The following SUPT5H variants were observed in gnomAD, a reference collection of about 807,000 sequenced individuals.
SUPT5H encodes transcription elongation factor SPT5.
Under a neutral mutation model 142.5 loss-of-function variants are expected in SUPT5H, and 24 were observed. The observed-to-expected ratio is 0.17, with a 90% CI of 0.12 to 0.24. The LOEUF is 0.24. Among genes scored for constraint, SUPT5H ranks in the 10% least tolerant of loss-of-function variants. The pLI, the probability that SUPT5H is intolerant of heterozygous loss-of-function variation, is 1.00. For missense variants in SUPT5H, 893 were observed against 1,471.8 expected (o/e 0.61, Z 6.43); for synonymous variants, 546 against 553.0 (o/e 0.99, Z 0.18).
chr19:39,461,955 C>T lies in SUPT5H; in HGVS notation c.624+1995C>T, dbSNP rs556305850. ...CTCTGATTATTATTTTTTTTTGAGA[C>T]GGAGTTTCACTCTTGTTGCCCAGGC... On this transcript the variant is annotated intron_variant, in intron 10 of 29. Transcript: ENST00000432763. Among the ~76,000 whole-genome samples, 296 of 151,440 alleles carry T rather than the reference C, an allele frequency of 2.0e-3. 3 individuals carry two copies. Among genetic ancestry groups the T allele is most frequent in the Middle Eastern group, 0.01 (3 of 288 alleles).
intron 2 of SUPT5H, among the ~76,000 whole-genome samples, chr19:39,451,634 C>T (rs1221072290): frequency 2.0e-5 from 3 of 152,134 alleles, no homozygotes; most frequent in Admixed American, 6.6e-5. Context: ...CAGTTTCAAG[C>T]GATTCTCCTA....
intron 11 of SUPT5H, 69 bp downstream of exon 11, chr19:39,465,118 C>T (rs545206857): frequency 4.5e-6 from 7 of 1,545,318 alleles, no homozygotes; most frequent in Non-Finnish European, 6.1e-6. Flanking sequence ...TCCTTTTGTC[C>T]TTCCCACCCT....
chr19:39,470,016 G>A lies in SUPT5H; in HGVS notation c.1375-103G>A. The A allele has an allele frequency of 6.8e-7, 1 of 1,465,724 alleles. No individual in the cohort carries two copies. 90.8% of individuals were successfully genotyped at this position (1,465,724 alleles called of 1,614,324 possible). On this transcript the variant is annotated intron_variant, in intron 16 of 29. Transcript: ENST00000432763. The surrounding 1 kb of genome is among the most constrained non-coding windows in gnomAD (Gnocchi z 5.8). ...CTGGGGTGGGTGGTAAGAGCCTGAA[G>A]TGGGGTTTTTGAGAACATGCGTAGA...
At chr19:39,450,686 G>C (rs2079010391) in intron 2 of SUPT5H, among the ~76,000 whole-genome samples, 1 of 152,332 alleles carries the variant, frequency 6.6e-6, no homozygotes, top group Non-Finnish European at 1.5e-5. Context: ...ATATATTCTA[G>C]GTTGGGGATG....
Position 39,474,878 on chromosome 19 carries a change from A to G in SUPT5H, c.3024+160A>G. The G allele has an allele frequency of 1.3e-6, 1 of 767,034 alleles. No homozygotes were observed. Among genetic ancestry groups the G allele is most frequent in the Non-Finnish European group, 2.1e-6 (1 of 481,896 alleles). The allele number at this position is 767,034 out of a possible 1,614,324, so 47.5% of individuals were successfully genotyped here. A position where few individuals can be genotyped will look rare whatever the true frequency, so the allele number is the denominator to read the frequency against. ...GGAGCTATGTGAACCCAAAGGAGGC[A>G]TCTTACCTGATTTAGCGGGGAATCA... On this transcript the variant is annotated intron_variant, in intron 28 of 29. Coordinates refer to ENST00000432763, the MANE Select transcript of SUPT5H (RefSeq NM_001111020.3). The surrounding 1 kb of genome is among the most constrained non-coding windows in gnomAD (Gnocchi z 6.5).
chr19:39,452,123 T>A (rs1011311191), intron 2 of SUPT5H, among the ~76,000 whole-genome samples: 1 of 151,938 alleles, frequency 6.6e-6, no homozygotes, highest in Non-Finnish European at 1.5e-5. Flanking sequence ...GGATGAGGAT[T>A]TGGTGCCTGT....
chr19:39,476,444 C>T lies in SUPT5H; in HGVS notation c.*45C>T, dbSNP rs1157904705. On this transcript the variant is annotated 3_prime_UTR_variant, in exon 30 of 30. Transcript: ENST00000432763. ...CTTCGTCGGATGAAGAGTGATCCTC[C>T]TTCCTTCCCTGGCCCTTGGCTGTGA... 1 of 1,609,538 alleles carries T rather than the reference C, an allele frequency of 6.2e-7. No homozygotes were observed. Among genetic ancestry groups the T allele is most frequent in the Admixed American group, 1.7e-5 (1 of 59,966 alleles).
rs1338247410 is a variant in SUPT5H, at chr19:39,469,039, G to A, written c.1144-40G>A. The stretch of plus-strand genomic sequence containing the variant: ...TCAGCTGGGCTGTTGCACTGACCTC[G>A]GTCCATTTCCTTCTCTTCCCCTCAC... On this transcript the variant is annotated intron_variant, in intron 14 of 29. Transcript: ENST00000432763. The surrounding 1 kb of genome is among the most constrained non-coding windows in gnomAD (Gnocchi z 5.1). The A allele has an allele frequency of 8.7e-6, 14 of 1,612,022 alleles. No homozygotes were observed. Among genetic ancestry groups the A allele is most frequent in the South Asian group, 1.1e-5 (1 of 90,936 alleles).
intron 2 of SUPT5H, among the ~76,000 whole-genome samples, chr19:39,447,450 C>CTTTTT (rs59007555): frequency 5.3e-5 from 7 of 132,046 alleles, no homozygotes; most frequent in Admixed American, 1.6e-4. Context: ...TTGCCATTAT[C>CTTTTT]TTTTTTTTTT....
At chr19:39,462,063 A>G (rs1275637342) in intron 10 of SUPT5H, among the ~76,000 whole-genome samples, 3 of 151,742 alleles carry the variant, frequency 2.0e-5, no homozygotes, top group Non-Finnish European at 4.4e-5. Flanking sequence ...ATCCGCCACC[A>G]TGCCCGGCTG....
At position 39,474,383 on chromosome 19, in the gene SUPT5H, C is replaced by T. The variant is rs567426359; in HGVS notation, c.2801C>T (p.Pro934Leu). ...THSPASYHPT[P>L]SPMAYQASPS... ...TCCCCAGCCAGCTACCACCCTACAC[C>T]GTCGCCCATGGCCTATCAGGTAATG... The change falls in exon 27 of 30, where the codon CCG (proline) becomes CTG (leucine). Residue 934 changes from proline to leucine, a missense_variant. Physicochemically the swap from Pro to Leu is moderately conservative, Grantham distance 98. This residue lies in a region of SUPT5H where 336 missense variants were observed against 546.5 expected (regional missense o/e 0.61). Transcript: ENST00000432763. This position sits in a 1 kb window ranked among gnomAD's most constrained non-coding sequence, Gnocchi z 6.5. 1 of 1,614,060 alleles carries T rather than the reference C, an allele frequency of 6.2e-7. No homozygotes were observed. The highest frequency in any genetic ancestry group is 2.2e-5 in the East Asian group (1 of 44,872).
rs2079330695 is a variant in SUPT5H, at chr19:39,472,250, T to C, written c.1951-159T>C. Among the ~76,000 whole-genome samples the C allele has an allele frequency of 6.6e-6, 1 of 152,084 alleles. No individual in the cohort carries two copies. Among genetic ancestry groups the C allele is most frequent in the Non-Finnish European group, 1.5e-5 (1 of 68,000 alleles). ...TGCAAAGGCCCTGAGGTGGGGCTTG[T>C]AGGAAAGTGTGCAGGACCAGCTGTC... is the stretch of plus-strand genomic sequence containing the variant. On this transcript the variant is annotated intron_variant, in intron 20 of 29. Transcript: ENST00000432763. This position sits in a 1 kb window ranked among gnomAD's most constrained non-coding sequence, Gnocchi z 4.2.
chr19:39,447,124 C>T (rs2078964372), intron 2 of SUPT5H, among the ~76,000 whole-genome samples: 1 of 152,328 alleles, frequency 6.6e-6, no homozygotes, highest in South Asian at 2.1e-4. Flanking sequence ...GATGGTGCCA[C>T]TGCACTGCAG....
At chr19:39,460,019 C>T in intron 10 of SUPT5H, 59 bp downstream of exon 10, 2 of 1,571,146 alleles carry the variant, frequency 1.3e-6, no homozygotes, top group Middle Eastern at 1.7e-4. Context: ...GAGGGAAGAA[C>T]ATTGTCAACT....
At chr19:39,475,606 G>A (rs2079394249) in intron 28 of SUPT5H, among the ~76,000 whole-genome samples, 1 of 152,102 alleles carries the variant, frequency 6.6e-6, no homozygotes, top group Non-Finnish European at 1.5e-5. Flanking sequence ...GGGAGGTTGG[G>A]CTGCACTGGG....
intron 3 of SUPT5H, among the ~76,000 whole-genome samples, chr19:39,455,579 G>T (rs943281083): frequency 2.6e-5 from 4 of 151,380 alleles, no homozygotes; most frequent in African/African-American, 4.9e-5. Context: ...TACATGGGGG[G>T]AACATAGTGG....
At position 39,470,744 on chromosome 19, in the gene SUPT5H, CT is replaced by C. The variant is rs1201275579; in HGVS notation, c.1677+224del. On this transcript the variant is annotated intron_variant, in intron 18 of 29. Transcript: ENST00000432763. The surrounding 1 kb of genome is among the most constrained non-coding windows in gnomAD (Gnocchi z 5.8). ...AAAATGGAAACGAGAGCAGCGTCTA[CT>C]TTGTTCATAGTGAATGATTCCCTGA... 1.3e-5 allele frequency among the ~76,000 whole-genome samples: 2 copies of C among 152,192 alleles called. No individual in the cohort carries two copies. Among genetic ancestry groups the C allele is most frequent in the Admixed American group, 1.3e-4 (2 of 15,284 alleles).
Position 39,473,096 on chromosome 19 carries a change from G to A in SUPT5H, c.2240G>A (p.Arg747His). 5.0e-6 allele frequency: 8 copies of A among 1,613,478 alleles called. No homozygotes were observed. The highest frequency in any genetic ancestry group is 6.8e-6 in the Non-Finnish European group (8 of 1,179,892). Residue 747 changes from arginine to histidine, a missense_variant, in exon 23 of 30, where the codon CGT becomes CAT. Transcript: ENST00000432763. The surrounding 1 kb of genome is among the most constrained non-coding windows in gnomAD (Gnocchi z 5.8). Reference protein sequence around the residue: ...HSTCQTISVDRQRLTTVGSRR... With the variant: ...HSTCQTISVDHQRLTTVGSRR... ...ACCTGCCAGACCATCTCTGTGGACC[G>A]TCAGCGGCTCACCACGGTGTACGGG...
rs771228703 is a variant in SUPT5H at position 39,459,904 on chromosome 19, C to T, written c.568C>T (p.Arg190Trp). 3.7e-6 allele frequency: 6 copies of T among 1,614,126 alleles called. No homozygotes were observed. The highest frequency in any genetic ancestry group is 4.5e-5 in the East Asian group (2 of 44,870). ...WTVKCKIGEE[R>W]ATAISLMRKF... is the part of the protein sequence containing the mutation. ...TCTCATCTTCCAGATTGGGGAGGAACGGGCCACGGCCATTTCCTTGATGCG... is the reference window on the plus strand; with the variant it reads ...TCTCATCTTCCAGATTGGGGAGGAATGGGCCACGGCCATTTCCTTGATGCG... The change falls in exon 10 of 30, where the codon CGG becomes TGG. Residue 190 changes from arginine to tryptophan, a missense_variant. Around this residue, in one of 6 missense-constraint regions of SUPT5H, gnomAD observed 428 missense variants for 763.5 expected, o/e 0.56. Transcript: ENST00000432763.
Sources: gnomAD v4.1 joint callset for allele counts (sites outside exome capture counted in the v4.1 genomes callset) on GRCh38, gnomAD v4.1.1 for gene constraint, gnomAD v4.1.1 regional missense constraint, Gnocchi (gnomAD v3.1) non-coding constraint, MANE v1.5 for transcripts, NCBI Gene and HGNC (gene_info 2026-07-23, HGNC 2026-07-21) for gene names.